The following SERGEF variants were observed in gnomAD, a reference collection of about 807,000 sequenced individuals.
SERGEF encodes the protein secretion regulating guanine nucleotide exchange factor.
Under a neutral mutation model 50.0 loss-of-function variants are expected in SERGEF, and 51 were observed. The observed-to-expected ratio is 1.02, with a 90% confidence interval of 0.81 to 1.29. SERGEF has a LOEUF of 1.29. Among genes scored for constraint, SERGEF ranks in the 50% most tolerant of loss-of-function variants. The probability of loss-of-function intolerance (pLI) is 0.00; values close to 1 mark genes in which losing one functional copy is unlikely to be tolerated. For synonymous variants in SERGEF, 205 were observed against 212.4 expected, an observed-to-expected ratio of 0.97 and a Z score of 0.30; for missense variants, 521 against 557.0, an observed-to-expected ratio of 0.94 and a Z score of 0.65.
intron 9 of SERGEF, among the ~76,000 whole-genome samples, chr11:17,908,310 G>C (rs560182365): frequency 1.3e-5 from 2 of 152,140 alleles, no homozygotes; most frequent in Admixed American, 6.5e-5. Context: ...GCAGTTTCCT[G>C]AATGTGCAGC....
chr11:17,886,718 T>TCTA (rs1290294983), intron 9 of SERGEF, among the ~76,000 whole-genome samples: 1 of 152,192 alleles, frequency 6.6e-6, no homozygotes, highest in African/African-American at 2.4e-5. Context: ...TTGAGAAATG[T>TCTA]CTACTGAATT....
chr11:17,841,118 G>A (rs1850494564), intron 10 of SERGEF, among the ~76,000 whole-genome samples: 1 of 152,108 alleles, frequency 6.6e-6, no homozygotes, highest in Admixed American at 6.5e-5. Context: ...CAAACCATGA[G>A]TCCTCAGGCC....
chr11:17,983,237 A>T, intron 8 of SERGEF, among the ~76,000 whole-genome samples: 1 of 152,234 alleles, frequency 6.6e-6, no homozygotes, highest in East Asian at 1.9e-4. Context: ...TAAGGTTTAG[A>T]TCTTGTGTAA....
At chr11:17,977,972 T>C (rs1236884716) in intron 8 of SERGEF, among the ~76,000 whole-genome samples, 1 of 152,220 alleles carries the variant, frequency 6.6e-6, no homozygotes, top group Non-Finnish European at 1.5e-5. Flanking sequence ...AGATAGTCAA[T>C]TGCTACATTT....
intron 9 of SERGEF, among the ~76,000 whole-genome samples, chr11:17,924,022 G>T (rs1852207199): frequency 6.6e-6 from 1 of 152,160 alleles, no homozygotes; most frequent in South Asian, 2.1e-4. Context: ...AGTCTGTAGA[G>T]TGAAGATGAT....
At chr11:17,885,309 A>G (rs749810448) in intron 9 of SERGEF, among the ~76,000 whole-genome samples, 1 of 152,086 alleles carries the variant, frequency 6.6e-6, no homozygotes, top group Non-Finnish European at 1.5e-5. Flanking sequence ...TTCTCACCAT[A>G]ATATCATGAT....
At chr11:17,916,524 A>G (rs558814217) in intron 9 of SERGEF, among the ~76,000 whole-genome samples, 13 of 152,192 alleles carry the variant, frequency 8.5e-5, no homozygotes, top group Non-Finnish European at 1.5e-4. Flanking sequence ...GGAAATCTGT[A>G]TTTTTAGCAA....
At chr11:17,824,547 T>TACCACAG (rs1850153145) in intron 10 of SERGEF, among the ~76,000 whole-genome samples, 1 of 152,166 alleles carries the variant, frequency 6.6e-6, no homozygotes, top group Non-Finnish European at 1.5e-5. Context: ...TAACAAAAAA[T>TACCACAG]ACCACAGACT....
chr11:17,802,403 C>A (rs117297869), intron 10 of SERGEF, among the ~76,000 whole-genome samples: 2,705 of 152,284 alleles, frequency 0.018, 48 homozygotes, highest in Admixed American at 0.049. Flanking sequence ...GTGGGCTCAG[C>A]CCCTAGTGGC....
chr11:18,000,418 C>T, intron 5 of SERGEF, 79 bp downstream of exon 5: 2 of 987,936 alleles, frequency 2.0e-6, no homozygotes, highest in Non-Finnish European at 3.0e-6. Context: ...CACTGCACTC[C>T]AGCCTGGGCA....
intron 9 of SERGEF, among the ~76,000 whole-genome samples, chr11:17,903,332 A>G (rs1851780847): frequency 6.6e-6 from 1 of 152,220 alleles, no homozygotes; most frequent in African/African-American, 2.4e-5. Context: ...AGAAACTCCA[A>G]CTGGCAGGTC....
At chr11:17,951,211 A>C (rs1161349773) in intron 9 of SERGEF, among the ~76,000 whole-genome samples, 1 of 152,240 alleles carries the variant, frequency 6.6e-6, no homozygotes, top group Admixed American at 6.5e-5. Context: ...GAAGCAGCTC[A>C]TATGTCATGA....
At chr11:17,975,648 G>A (rs1380310777) in intron 8 of SERGEF, among the ~76,000 whole-genome samples, 2 of 152,070 alleles carry the variant, frequency 1.3e-5, no homozygotes, top group African/African-American at 2.4e-5. Context: ...TAGAAAGCAA[G>A]CATGAGGCCT....
At chr11:17,995,525 C>A (rs1205651399) in intron 6 of SERGEF, among the ~76,000 whole-genome samples, 7 of 152,142 alleles carry the variant, frequency 4.6e-5, no homozygotes, top group Non-Finnish European at 8.8e-5. Flanking sequence ...GTCTTCCAAC[C>A]TAGCTTTTAA....
chr11:17,926,344 A>T (rs1046805091), intron 9 of SERGEF, among the ~76,000 whole-genome samples: 2 of 152,014 alleles, frequency 1.3e-5, no homozygotes, highest in Non-Finnish European at 2.9e-5. Context: ...CCAGAATCTT[A>T]CCCTCCACAA....
At chr11:17,936,319 T>C (rs1421894970) in intron 9 of SERGEF, among the ~76,000 whole-genome samples, 1 of 152,166 alleles carries the variant, frequency 6.6e-6, no homozygotes, top group African/African-American at 2.4e-5. Flanking sequence ...AGTTTCCTTA[T>C]CTATAAAATA....
chr11:18,013,023 C>T lies in SERGEF; in HGVS notation c.-13G>A, dbSNP rs1317814808. ...GCTCGCGCTCCATGCGAGGACGCTC[C>T]GCCGGCGCTTCCGGGAGGGACGGCA... On this transcript the variant is annotated 5_prime_UTR_variant, in exon 1 of 11. Transcript: ENST00000265965. The surrounding 1 kb of genome is among the most constrained non-coding windows in gnomAD (Gnocchi z 4.3). The T allele has an allele frequency of 8.8e-6, 12 of 1,368,648 alleles. No homozygotes were observed. Among genetic ancestry groups the T allele is most frequent in the South Asian group, 8.7e-5 (5 of 57,320 alleles). 84.8% of individuals were successfully genotyped at this position (1,368,648 alleles called of 1,614,324 possible).
chr11:17,861,615 C>A (rs1035344938), intron 10 of SERGEF, among the ~76,000 whole-genome samples: 1 of 152,258 alleles, frequency 6.6e-6, no homozygotes, highest in Non-Finnish European at 1.5e-5. Context: ...GCAGTGAGCA[C>A]ACATGAGGAC....
Position 17,807,362 on chromosome 11 carries a change from GCAA to G in SERGEF, c.1049-18952_1049-18950del, listed in dbSNP as rs554820642. Among the ~76,000 whole-genome samples the G allele has an allele frequency of 4.4e-3, 675 of 152,130 alleles. 4 individuals are homozygous for G. The highest frequency in any genetic ancestry group is 6.8e-3 in the Non-Finnish European group (465 of 67,998). ...ACAAAAAAAATTCACCAAAACCCAT[GCAA>G]CAACAACACAACCCATTAATGGACA... On this transcript the variant is annotated intron_variant, in intron 10 of 10. Coordinates refer to ENST00000265965, the MANE Select transcript of SERGEF (RefSeq NM_012139.4).
Sources: gnomAD v4.1 joint callset for allele counts (sites outside exome capture counted in the v4.1 genomes callset) on GRCh38, gnomAD v4.1.1 for gene constraint, Gnocchi (gnomAD v3.1) non-coding constraint, MANE v1.5 for transcripts, NCBI Gene and HGNC (gene_info 2026-07-23, HGNC 2026-07-21) for gene names.